The following TSPAN18 variants were observed in gnomAD, a reference collection of about 807,000 sequenced individuals.
The protein encoded by TSPAN18 is tetraspanin-18.
In TSPAN18, 14 loss-of-function variants were observed where a neutral mutation model predicts 27.3. The ratio of observed to expected loss-of-function variants is 0.51; its 90% CI spans 0.34 to 0.80. TSPAN18 has a LOEUF of 0.80. Ranked by LOEUF, TSPAN18 falls within the 30% of genes least tolerant of loss-of-function variation. The probability of loss-of-function intolerance (pLI) is 0.01; values close to 1 mark genes in which losing one functional copy is unlikely to be tolerated. For missense variants in TSPAN18, 268 were observed against 323.9 expected (o/e 0.83, Z 1.32); for synonymous variants, 143 against 136.5 (o/e 1.05, Z -0.33).
intron 6 of TSPAN18, among the ~76,000 whole-genome samples, chr11:44,918,642 G>A (rs891979665): frequency 5.9e-5 from 9 of 152,160 alleles, no homozygotes; most frequent in African/African-American, 1.2e-4. Flanking sequence ...TAGCCAGCAC[G>A]GAGCAGAGGA....
rs1023942555 is a variant in TSPAN18, at chr11:44,930,905, A to G, written c.*1727A>G. ...GTCTCACAAGCCACCGGCATCCTGTATCAGCTTCCAGCCTCCCCTCAGGCT... is the reference window on the plus strand; with the variant it reads ...GTCTCACAAGCCACCGGCATCCTGTGTCAGCTTCCAGCCTCCCCTCAGGCT... On this transcript the variant is annotated 3_prime_UTR_variant, in exon 10 of 10. Transcript: ENST00000520358. 2 of 525,960 alleles carry G rather than the reference A, an allele frequency of 3.8e-6. No individual in the cohort carries two copies. The highest frequency in any genetic ancestry group is 2.0e-5 in the Admixed American group (1 of 50,472). 32.6% of individuals were successfully genotyped at this position (525,960 alleles called of 1,614,324 possible).
chr11:44,807,294 C>T (rs1347770603), intron 2 of TSPAN18, among the ~76,000 whole-genome samples: 3 of 146,634 alleles, frequency 2.0e-5, no homozygotes, highest in African/African-American at 5.1e-5. Context: ...TTTGGGAGCC[C>T]GAGGTGAGTA....
chr11:44,908,814 A>AGAAAGAAGGAAG (rs1590671103), intron 4 of TSPAN18, among the ~76,000 whole-genome samples: 2 of 114,736 alleles, frequency 1.7e-5, no homozygotes, highest in African/African-American at 7.2e-5. Flanking sequence ...AAAGAAAGAA[A>AGAAAGAAGGAAG]GAAAGAAAGA....
chr11:44,807,211 AAAAAAAAAAAAAAAAAAAAAAAAAAG>A (rs1250939875), intron 2 of TSPAN18, among the ~76,000 whole-genome samples: 6 of 33,076 alleles, frequency 1.8e-4, no homozygotes, highest in Admixed American at 3.0e-4. Context: ...AAAAAAAAAA[AAAAAAAAAAAAAAAAAAAAAAAAAAG>A]AAGGAAAGAG....
At chr11:44,867,686 A>T (rs1181497393) in intron 3 of TSPAN18, among the ~76,000 whole-genome samples, 1 of 152,114 alleles carries the variant, frequency 6.6e-6, no homozygotes, top group African/African-American at 2.4e-5. Flanking sequence ...GGTACGAGCC[A>T]CCACACCCGG....
At chr11:44,765,269 A>G (rs1048387464) in intron 2 of TSPAN18, among the ~76,000 whole-genome samples, 1 of 152,190 alleles carries the variant, frequency 6.6e-6, no homozygotes, top group Non-Finnish European at 1.5e-5. Flanking sequence ...TGGGATTCCA[A>G]GACCAGGGCT....
intron 2 of TSPAN18, among the ~76,000 whole-genome samples, chr11:44,797,945 G>T (rs1048407520): frequency 1.3e-5 from 2 of 152,174 alleles, no homozygotes; most frequent in South Asian, 2.1e-4. Context: ...ACGCTTGTTG[G>T]GTCAAATAAA....
chr11:44,766,035 G>A (rs113264506), intron 2 of TSPAN18, among the ~76,000 whole-genome samples: 6,185 of 152,252 alleles, frequency 0.041, 127 homozygotes, highest in East Asian at 0.058. Context: ...CTGGTAGGTG[G>A]TTGGGGTGTG....
At chr11:44,753,313 GT>G (rs1406797846) in intron 1 of TSPAN18, among the ~76,000 whole-genome samples, 1 of 152,088 alleles carries the variant, frequency 6.6e-6, no homozygotes, top group Admixed American at 6.6e-5. Flanking sequence ...TGTATTTTTA[GT>G]AGAGACAGGG....
At chr11:44,833,525 TC>T (rs927312796) in intron 2 of TSPAN18, among the ~76,000 whole-genome samples, 3 of 152,206 alleles carry the variant, frequency 2.0e-5, no homozygotes, top group Non-Finnish European at 4.4e-5. Flanking sequence ...TAAGCACTTT[TC>T]CCTGCTTAGA....
intron 2 of TSPAN18, among the ~76,000 whole-genome samples, chr11:44,766,067 A>G (rs1473793154): frequency 6.6e-6 from 1 of 152,220 alleles, no homozygotes; most frequent in Non-Finnish European, 1.5e-5. Flanking sequence ...GTGCTGCACC[A>G]CTGCCTAATG....
At chr11:44,805,813 C>T (rs1007626238) in intron 2 of TSPAN18, among the ~76,000 whole-genome samples, 3 of 152,112 alleles carry the variant, frequency 2.0e-5, no homozygotes, top group African/African-American at 7.2e-5. Flanking sequence ...TTTGGCATTC[C>T]GTGGTTTGTA....
At chr11:44,790,441 G>C (rs1195790804) in intron 2 of TSPAN18, among the ~76,000 whole-genome samples, 2 of 150,060 alleles carry the variant, frequency 1.3e-5, no homozygotes, top group African/African-American at 4.9e-5. Flanking sequence ...GTGTACATGT[G>C]TTCGTGTGTG....
intron 2 of TSPAN18, among the ~76,000 whole-genome samples, chr11:44,824,864 A>C (rs1259088070): frequency 1.3e-5 from 2 of 152,244 alleles, no homozygotes; most frequent in African/African-American, 4.8e-5. Flanking sequence ...TCATTCACTC[A>C]TGCTACAGAT....
At chr11:44,798,124 G>T (rs1304915368) in intron 2 of TSPAN18, among the ~76,000 whole-genome samples, 1 of 152,164 alleles carries the variant, frequency 6.6e-6, no homozygotes, top group Non-Finnish European at 1.5e-5. Context: ...TCAGTGGCTG[G>T]CCGTCCCTGA....
At chr11:44,836,338 G>A (rs923975686) in intron 2 of TSPAN18, among the ~76,000 whole-genome samples, 1 of 152,206 alleles carries the variant, frequency 6.6e-6, no homozygotes, top group Non-Finnish European at 1.5e-5. Context: ...ATTCTCGTAA[G>A]CCAAAGCCTA....
At chr11:44,744,866 C>G (rs1855034075) in intron 1 of TSPAN18, among the ~76,000 whole-genome samples, 1 of 152,172 alleles carries the variant, frequency 6.6e-6, no homozygotes, top group South Asian at 2.1e-4. Flanking sequence ...ATCGCAAATG[C>G]CAACGCTGAT....
intron 2 of TSPAN18, among the ~76,000 whole-genome samples, chr11:44,777,295 T>C (rs949411831): frequency 6.6e-6 from 1 of 152,112 alleles, no homozygotes; most frequent in Non-Finnish European, 1.5e-5. Context: ...CTGAACCCTT[T>C]ATGGGGGATT....
intron 3 of TSPAN18, among the ~76,000 whole-genome samples, chr11:44,882,040 T>C (rs1282368752): frequency 6.6e-6 from 1 of 152,162 alleles, no homozygotes; most frequent in African/African-American, 2.4e-5. Context: ...TCTTAGGCTC[T>C]CTCTGACCCA....
Sources: allele counts gnomAD v4.1 joint callset (sites outside exome capture counted in the v4.1 genomes callset), GRCh38; gene constraint gnomAD v4.1.1; transcripts MANE v1.5; gene names NCBI Gene and HGNC (gene_info 2026-07-23, HGNC 2026-07-21).